The following C1QB variants were observed in gnomAD, a reference collection of about 807,000 sequenced individuals.
C1QB encodes complement C1q subcomponent subunit B.
In C1QB, 2 loss-of-function variants were observed where a neutral mutation model predicts 4.6. The observed-to-expected ratio is 0.43, with a 90% CI of 0.18 to 1.36. The LOEUF is 1.36. Ranked by LOEUF, C1QB falls within the 40% of genes most tolerant of loss-of-function variation. The pLI, the probability that C1QB is intolerant of heterozygous loss-of-function variation, is 0.28. For synonymous variants in C1QB, 132 were observed against 137.1 expected (o/e 0.96, Z 0.26); for missense variants, 292 against 338.0 (o/e 0.86, Z 1.07).
In C1QB at chr1:22,661,608, C is replaced by CATGA; in HGVS notation, c.*232_*235dup. 1 of 600,530 alleles carries CATGA rather than the reference C, an allele frequency of 1.7e-6. No individual in the cohort carries two copies. Among genetic ancestry groups the CATGA allele is most frequent in the Non-Finnish European group, 3.0e-6 (1 of 335,618 alleles). The allele number at this position is 600,530 out of a possible 1,614,324, so 37.2% of individuals were successfully genotyped here. On this transcript the variant is annotated 3_prime_UTR_variant, in exon 3 of 3. Transcript: ENST00000509305. ...GTGCCATGCTCAGAAATGTTGGTTA[C>CATGA]ATGAATGAATGAACCATGAATGAAT...
intron 1 of C1QB, 150 bp from the exon 2 acceptor site, chr1:22,659,290 A>AGT (rs1642581410): frequency 1.4e-6 from 1 of 715,288 alleles, no homozygotes; most frequent in Non-Finnish European, 2.3e-6. Context: ...GGAGGGATAG[A>AGT]GAGATGGATG....
Position 22,659,603 on chromosome 1 carries a change from C to T in C1QB, c.141C>T (p.Pro47=), listed in dbSNP as rs748847255. 9.3e-6 allele frequency: 15 copies of T among 1,613,620 alleles called. No homozygotes were observed. Among genetic ancestry groups the T allele is most frequent in the African/African-American group, 2.7e-5 (2 of 74,880 alleles). Residue 47 remains proline, a synonymous_variant, in exon 2 of 3, where the codon CCC becomes CCT. Transcript: ENST00000509305. ...CGGGTATCCCTGGGACACCTGGCCCCGATGGCCAACCTGGGACCCCAGGGA... is the reference window on the plus strand; with the variant it reads ...CGGGTATCCCTGGGACACCTGGCCCTGATGGCCAACCTGGGACCCCAGGGA... ...GIPGIPGTPG[P]DGQPGTPGIK...
chr1:22,659,351 GAT>G, intron 1 of C1QB, 87 bp from the exon 2 acceptor site: 1 of 739,150 alleles, frequency 1.4e-6, no homozygotes, highest in Non-Finnish European at 2.0e-6. Context: ...TAGAGAGATG[GAT>G]GGATGGATGG....
At chr1:22,658,749 T>C (rs1441646687) in intron 1 of C1QB, among the ~76,000 whole-genome samples, 1 of 149,852 alleles carries the variant, frequency 6.7e-6, no homozygotes, top group Non-Finnish European at 1.5e-5. Context: ...AACGGATGGA[T>C]GGATAGATGG....
Position 22,659,619 on chromosome 1 carries a change from A to T in C1QB, c.157A>T (p.Thr53Ser), listed in dbSNP as rs1557612255. The stretch of plus-strand genomic sequence containing the variant: ...ACCTGGCCCCGATGGCCAACCTGGG[A>T]CCCCAGGGATAAAAGGAGAGAAAGG... ...GTPGPDGQPGTPGIKGEKGLP... is the reference protein window; with the variant it reads ...GTPGPDGQPGSPGIKGEKGLP... The change falls in exon 2 of 3, where the codon ACC becomes TCC. Residue 53 changes from threonine to serine, a missense_variant. Thr to Ser is a moderately conservative substitution (Grantham distance 58). Coordinates refer to ENST00000509305, the MANE Select transcript of C1QB (RefSeq NM_001378156.1). The T allele has an allele frequency of 7.4e-6, 12 of 1,613,402 alleles. No homozygotes were observed. Among genetic ancestry groups the T allele is most frequent in the Non-Finnish European group, 8.5e-6 (10 of 1,179,722 alleles).
chr1:22,661,231 A>G lies in C1QB; in HGVS notation c.601A>G (p.Asn201Asp), dbSNP rs147260497. Reference protein sequence around the residue: ...KVVTFCDYAYNTFQVTTGGMV... With the variant: ...KVVTFCDYAYDTFQVTTGGMV... ...GGTCACCTTCTGTGACTATGCCTAC[A>G]ACACCTTCCAGGTCACCACCGGTGG... The change falls in exon 3 of 3, where the codon AAC (asparagine) becomes GAC (aspartate). Residue 201 changes from asparagine (N) to aspartate (D), a missense_variant. Asn to Asp is a conservative substitution (Grantham distance 23, BLOSUM62 1). Coordinates refer to ENST00000509305, the MANE Select transcript of C1QB (RefSeq NM_001378156.1). The G allele has an allele frequency of 6.2e-7, 1 of 1,613,256 alleles. No individual in the cohort carries two copies. Among genetic ancestry groups the G allele is most frequent in the South Asian group, 1.1e-5 (1 of 91,046 alleles).
At chr1:22,658,940 T>TGGAG (rs1642569238) in intron 1 of C1QB, among the ~76,000 whole-genome samples, 1 of 99,076 alleles carries the variant, frequency 1.0e-5, no homozygotes, top group African/African-American at 3.3e-5. Flanking sequence ...GAGAGATGGA[T>TGGAG]GGATGGATGG....
At chr1:22,658,813 G>C (rs1332930077) in intron 1 of C1QB, among the ~76,000 whole-genome samples, 3 of 148,574 alleles carry the variant, frequency 2.0e-5, no homozygotes, top group Non-Finnish European at 3.0e-5. Context: ...GATGGATGGA[G>C]GGTGGATGGA....
In C1QB at chr1:22,661,534, G is replaced by T. The variant is rs1430966366; in HGVS notation, c.*148G>T. The T allele has an allele frequency of 1.1e-6, 1 of 896,924 alleles. No individual in the cohort carries two copies. Among genetic ancestry groups the T allele is most frequent in the East Asian group, 2.6e-5 (1 of 37,912 alleles). The allele number at this position is 896,924 out of a possible 1,614,324, so 55.6% of individuals were successfully genotyped here. On this transcript the variant is annotated 3_prime_UTR_variant, in exon 3 of 3. Coordinates refer to ENST00000509305, the MANE Select transcript of C1QB (RefSeq NM_001378156.1). ...AGTAAATAAACTCTTCAAGGCCAAG[G>T]GACAGTGGTCTAATTCAACTCTGTG...
rs940250973 is a variant in C1QB at position 22,653,519 on chromosome 1, C to T, written c.-24+216C>T. Reference sequence around the variant, plus strand: ...CCCAGGGCCTAGCGGATGGGCAGGCCACCTAAAGCGGGAGCCTGGCACATA... The same window carrying T: ...CCCAGGGCCTAGCGGATGGGCAGGCTACCTAAAGCGGGAGCCTGGCACATA... On this transcript the variant is annotated intron_variant, in intron 1 of 2. Transcript: ENST00000509305. Among the ~76,000 whole-genome samples the T allele has an allele frequency of 2.6e-5, 4 of 152,278 alleles. 1 individual carries two copies. The highest frequency in any genetic ancestry group is 2.6e-4 in the Admixed American group (4 of 15,298).
At chr1:22,660,399 G>A (rs1336881332) in intron 2 of C1QB, among the ~76,000 whole-genome samples, 1 of 152,132 alleles carries the variant, frequency 6.6e-6, no homozygotes, top group Non-Finnish European at 1.5e-5. Context: ...CTGCTTGGGG[G>A]GTGGAGTGAG....
Position 22,659,315 on chromosome 1 carries a change from TG to T in C1QB, c.-23-123del. 4 of 749,568 alleles carry T rather than the reference TG, an allele frequency of 5.3e-6. No homozygotes were observed. The South Asian group carries it at 8.0e-5, about 15-fold the overall frequency. The allele number at this position is 749,568 out of a possible 1,614,324, so 46.4% of individuals were successfully genotyped here. Reference sequence around the variant, plus strand: ...AGAGATGGATGGATGGATGGATGGATGGATGGATGGATGCAGATGGAGGAAT... The same window carrying T: ...AGAGATGGATGGATGGATGGATGGATGATGGATGGATGCAGATGGAGGAAT... On this transcript the variant is annotated intron_variant, in intron 1 of 2. Coordinates refer to ENST00000509305, the MANE Select transcript of C1QB (RefSeq NM_001378156.1).
intron 2 of C1QB, among the ~76,000 whole-genome samples, chr1:22,660,228 A>G (rs1642600541): frequency 6.6e-6 from 1 of 152,198 alleles, no homozygotes; most frequent in African/African-American, 2.4e-5. Flanking sequence ...GGCTGTCCTC[A>G]GGAAATGTGA....
At chr1:22,655,445 T>C (rs1437766478) in intron 1 of C1QB, among the ~76,000 whole-genome samples, 3 of 151,950 alleles carry the variant, frequency 2.0e-5, no homozygotes, top group Non-Finnish European at 4.4e-5. Context: ...TTGCAGAGCA[T>C]AGGAGCCAAA....
At chr1:22,655,915 T>A (rs905352982) in intron 1 of C1QB, among the ~76,000 whole-genome samples, 13 of 152,046 alleles carry the variant, frequency 8.6e-5, no homozygotes, top group African/African-American at 3.1e-4. Flanking sequence ...AGAAAAAACA[T>A]TTGGATCTGG....
chr1:22,655,830 T>G (rs762535599), intron 1 of C1QB, among the ~76,000 whole-genome samples: 1 of 152,150 alleles, frequency 6.6e-6, no homozygotes, highest in Non-Finnish European at 1.5e-5. Context: ...CTCCCCCATT[T>G]TAAGAGAGGA....
chr1:22,655,979 G>A (rs987338427), intron 1 of C1QB, among the ~76,000 whole-genome samples: 1 of 152,176 alleles, frequency 6.6e-6, no homozygotes, highest in Non-Finnish European at 1.5e-5. Context: ...TCACTGAAAC[G>A]GTGCAAACTA....
At chr1:22,656,604 A>G (rs1194866773) in intron 1 of C1QB, among the ~76,000 whole-genome samples, 2 of 152,228 alleles carry the variant, frequency 1.3e-5, no homozygotes, top group Non-Finnish European at 2.9e-5. Flanking sequence ...CTCTCACACC[A>G]CAACAATCAA....
At chr1:22,655,004 C>T (rs2148301986) in intron 1 of C1QB, among the ~76,000 whole-genome samples, 1 of 152,306 alleles carries the variant, frequency 6.6e-6, no homozygotes, top group South Asian at 2.1e-4. Flanking sequence ...CTCCCAGCCA[C>T]ACAGGAGCTG....
Sources: allele counts gnomAD v4.1 joint callset (sites outside exome capture counted in the v4.1 genomes callset), GRCh38; gene constraint gnomAD v4.1.1; transcripts MANE v1.5; gene names NCBI Gene and HGNC (gene_info 2026-07-23, HGNC 2026-07-21).